ING4: variants seen among roughly 807,000 people sequenced by gnomAD.
ING4 encodes the protein inhibitor of growth protein 4.
Under a neutral mutation model 33.1 loss-of-function variants are expected in ING4, and 28 were observed. That is an observed-to-expected ratio of 0.85 (90% CI 0.63 to 1.16). The LOEUF is 1.16. ING4 is among the 50% of genes most tolerant of loss of function. The pLI, the probability that ING4 is intolerant of heterozygous loss-of-function variation, is 0.00. For synonymous variants in ING4, 87 were observed against 104.4 expected (o/e 0.83, Z 1.02); for missense variants, 247 against 314.7 (o/e 0.78, Z 1.63).
At chr12:6,654,289 CCAT>C (rs2136269099) in intron 2 of ING4, among the ~76,000 whole-genome samples, 1 of 152,032 alleles carries the variant, frequency 6.6e-6, no homozygotes, top group South Asian at 2.1e-4. Flanking sequence ...ACTCCAACAT[CCAT>C]GTAACAATTC....
chr12:6,656,159 T>C (rs1339182516), intron 2 of ING4, among the ~76,000 whole-genome samples: 1 of 150,616 alleles, frequency 6.6e-6, no homozygotes, highest in Non-Finnish European at 1.5e-5. Flanking sequence ...GAGTTGACTT[T>C]CTTTAATTCT....
chr12:6,652,633 T>G (rs1555079934), intron 5 of ING4, 29 bp downstream of exon 5: 1 of 1,595,850 alleles, frequency 6.3e-7, no homozygotes, highest in South Asian at 1.1e-5. Flanking sequence ...GAGGATGTCA[T>G]CCGGCAAAGG....
intron 1 of ING4, among the ~76,000 whole-genome samples, chr12:6,659,522 C>G (rs986323420): frequency 6.8e-6 from 1 of 147,372 alleles, no homozygotes; most frequent in Admixed American, 6.8e-5. Flanking sequence ...CAAAACAAAA[C>G]AAAAATTAGG....
At chr12:6,655,467 T>C (rs1236630098) in intron 2 of ING4, among the ~76,000 whole-genome samples, 1 of 152,254 alleles carries the variant, frequency 6.6e-6, no homozygotes, top group Non-Finnish European at 1.5e-5. Flanking sequence ...TCTAACATAG[T>C]GCAGCAACAG....
intron 5 of ING4, 59 bp from the exon 6 acceptor site, chr12:6,652,477 C>T (rs776420954): frequency 7.6e-6 from 12 of 1,576,304 alleles, no homozygotes; most frequent in African/African-American, 1.4e-5. Context: ...AAGCCTGAGG[C>T]TTTCAGAGGT....
In ING4 at chr12:6,652,971, C is replaced by T; in HGVS notation, c.356G>A (p.Ser119Asn). The T allele has an allele frequency of 6.2e-7, 1 of 1,614,132 alleles. No individual in the cohort carries two copies. Among genetic ancestry groups the T allele is most frequent in the Non-Finnish European group, 8.5e-7 (1 of 1,180,034 alleles). Reference protein sequence around the residue: ...ADLKEKQIESSDYDSSSSKGK... With the variant: ...ADLKEKQIESNDYDSSSSKGK... ...TTTGCTGGAAGAGCTGTCATAGTCA[C>T]TTGACTCAATCTGTTTCTCCTTGAG... Residue 119 changes from serine (S) to asparagine (N), a missense_variant, in exon 4 of 8, where the codon AGT becomes AAT. Ser to Asn is a conservative substitution (Grantham distance 46). Coordinates refer to ENST00000341550, the MANE Select transcript of ING4 (RefSeq NM_016162.4).
intron 1 of ING4, chr12:6,657,931 A>G (rs1949420868): frequency 6.9e-6 from 1 of 144,468 alleles, no homozygotes; most frequent in Non-Finnish European, 1.5e-5. Flanking sequence ...TCTGTCTCCA[A>G]AAAAAAAAAA....
At chr12:6,662,550 C>T (rs1038386543) in intron 1 of ING4, among the ~76,000 whole-genome samples, 2 of 152,144 alleles carry the variant, frequency 1.3e-5, no homozygotes, top group African/African-American at 4.8e-5. Flanking sequence ...ACATAAATCG[C>T]ATAAACACCA....
intron 1 of ING4, among the ~76,000 whole-genome samples, 155 bp downstream of exon 1, chr12:6,662,910 C>T (rs118133042): frequency 1.3e-5 from 2 of 152,018 alleles, no homozygotes; most frequent in Non-Finnish European, 2.9e-5. Context: ...TGCTGCCCCG[C>T]CCCCTCTTTC....
chr12:6,658,340 A>G (rs1041339949), intron 1 of ING4, among the ~76,000 whole-genome samples: 11 of 152,144 alleles, frequency 7.2e-5, no homozygotes, highest in African/African-American at 2.7e-4. Context: ...TCTATTATAC[A>G]CATAACACTT....
intron 1 of ING4, among the ~76,000 whole-genome samples, chr12:6,662,721 G>A (rs1949595266): frequency 6.6e-6 from 1 of 152,042 alleles, no homozygotes; most frequent in African/African-American, 2.4e-5. Flanking sequence ...TCTCCAAATG[G>A]CAGTGTGTGA....
intron 2 of ING4, among the ~76,000 whole-genome samples, chr12:6,653,728 C>T (rs1949258407): frequency 6.6e-6 from 1 of 152,194 alleles, no homozygotes; most frequent in Non-Finnish European, 1.5e-5. Context: ...CTTGCTGCTT[C>T]TTGAATTTTG....
At chr12:6,658,189 G>A (rs906615743) in intron 1 of ING4, among the ~76,000 whole-genome samples, 6 of 151,564 alleles carry the variant, frequency 4.0e-5, no homozygotes, top group African/African-American at 1.2e-4. Context: ...TGAACTCCTG[G>A]CCTCAGGTGA....
At chr12:6,654,990 A>T (rs1174458660) in intron 2 of ING4, among the ~76,000 whole-genome samples, 6 of 150,330 alleles carry the variant, frequency 4.0e-5, no homozygotes, top group Admixed American at 4.0e-4. Context: ...CTCCCAAAGT[A>T]CTGGGATTAC....
chr12:6,650,917 G>C lies in ING4; in HGVS notation c.*278C>G. On this transcript the variant is annotated 3_prime_UTR_variant, in exon 8 of 8. Coordinates refer to ENST00000341550, the MANE Select transcript of ING4 (RefSeq NM_016162.4). Reference sequence around the variant, plus strand: ...GACCCTCCCTCTGAAATACAGCACCGACCTCAGCATGGAGGCAAAAGGACA... The same window carrying C: ...GACCCTCCCTCTGAAATACAGCACCCACCTCAGCATGGAGGCAAAAGGACA... The C allele has an allele frequency of 1.9e-6, 1 of 530,624 alleles. No homozygotes were observed. Among genetic ancestry groups the C allele is most frequent in the South Asian group, 2.3e-5 (1 of 44,002 alleles). 32.9% of individuals were successfully genotyped at this position (530,624 alleles called of 1,614,324 possible). A position where few individuals can be genotyped will look rare whatever the true frequency, so the allele number is the denominator to read the frequency against.
chr12:6,660,773 T>C (rs1264632139), intron 1 of ING4, among the ~76,000 whole-genome samples: 1 of 152,194 alleles, frequency 6.6e-6, no homozygotes, highest in African/African-American at 2.4e-5. Flanking sequence ...TCCTAAAAAA[T>C]ATCTCTGCAG....
Position 6,652,714 on chromosome 12 carries a change from A to T in ING4, c.445T>A (p.Ser149Thr). 6.2e-7 allele frequency: 1 copy of T among 1,613,986 alleles called. No individual in the cohort carries two copies. Among genetic ancestry groups the T allele is most frequent in the Non-Finnish European group, 8.5e-7 (1 of 1,179,992 alleles). The change falls in exon 5 of 8, where the codon TCG (serine) becomes ACG (threonine). Residue 149 changes from serine to threonine, a missense_variant. Physicochemically the swap from Ser to Thr is moderately conservative, Grantham distance 58. Transcript: ENST00000341550. The stretch of plus-strand genomic sequence containing the variant: ...GCAGTCTTGGGGGCTTCTTCATCCG[A>T]GTTTTTCCCTTTGGAACGAGCACGA... The part of the protein sequence containing the change: ...AARARSKGKN[S>T]DEEAPKTAQK...
rs1271591811 is a variant in ING4 at position 6,652,314 on chromosome 12, T to G, written c.602A>C (p.His201Pro). 1.2e-6 allele frequency: 2 copies of G among 1,614,018 alleles called. No individual in the cohort carries two copies. The highest frequency in any genetic ancestry group is 1.7e-6 in the Non-Finnish European group (2 of 1,180,036). Reference protein sequence around the residue: ...DPNEPTYCLCHQVSYGEMIGC... With the variant: ...DPNEPTYCLCPQVSYGEMIGC... ...AATCATCTCTCCATAGGAGACCTGG[T>G]GACAAAGGCAATAGGTGGGTTCGTT... is the stretch of plus-strand genomic sequence containing the variant. The change falls in exon 6 of 8, where the codon CAC (histidine) becomes CCC (proline). Residue 201 changes from histidine to proline, a missense_variant. This residue lies in a region of ING4 where 11 missense variants were observed against 43.8 expected (regional missense o/e 0.25). Transcript: ENST00000341550.
intron 6 of ING4, among the ~76,000 whole-genome samples, chr12:6,651,867 T>C (rs1408148018): frequency 1.3e-5 from 2 of 148,898 alleles, no homozygotes; most frequent in African/African-American, 5.0e-5. Flanking sequence ...TTTTTTTTTT[T>C]TTGAGACAGA....
Sources: gnomAD v4.1 joint callset for allele counts (sites outside exome capture counted in the v4.1 genomes callset) on GRCh38, gnomAD v4.1.1 for gene constraint, gnomAD v4.1.1 regional missense constraint, MANE v1.5 for transcripts, NCBI Gene and HGNC (gene_info 2026-07-23, HGNC 2026-07-21) for gene names.